The following RPH3A variants were observed in gnomAD, a reference collection of about 807,000 sequenced individuals.
RPH3A encodes the protein rabphilin-3A.
A neutral mutation model predicts 102.2 loss-of-function variants in RPH3A; 48 were observed. That is an observed-to-expected ratio of 0.47 (90% confidence interval 0.37 to 0.60). RPH3A has a LOEUF of 0.60. Ranked by LOEUF, RPH3A falls within the 20% of genes least tolerant of loss-of-function variation. RPH3A has a pLI of 0.00. For synonymous variants in RPH3A, 310 were observed against 324.3 expected (o/e 0.96, Z 0.47); for missense variants, 781 against 910.1 (o/e 0.86, Z 1.83).
intron 20 of RPH3A, chr12:112,895,268 A>AC (rs2043160993): frequency 6.5e-6 from 1 of 153,424 alleles, no homozygotes; most frequent in Non-Finnish European, 1.4e-5. Context: ...ATGCCTGGCT[A>AC]ATTTTTGTAT....
intron 1 of RPH3A, among the ~76,000 whole-genome samples, chr12:112,595,750 C>T (rs1400434112): frequency 2.6e-5 from 4 of 152,160 alleles, no homozygotes; most frequent in Non-Finnish European, 5.9e-5. Flanking sequence ...TTTCCATACT[C>T]TTAGTGCATA....
intron 1 of RPH3A, among the ~76,000 whole-genome samples, chr12:112,607,419 A>G (rs2039604808): frequency 6.6e-6 from 1 of 152,190 alleles, no homozygotes; most frequent in Non-Finnish European, 1.5e-5. Flanking sequence ...CAATATATTT[A>G]TGTACATAAT....
intron 5 of RPH3A, chr12:112,850,650 T>G (rs2042307913): frequency 6.6e-6 from 1 of 152,238 alleles, no homozygotes; most frequent in African/African-American, 2.4e-5. Flanking sequence ...ATGCTATTTG[T>G]GTCTTATAAA....
intron 1 of RPH3A, among the ~76,000 whole-genome samples, chr12:112,773,736 T>C (rs958622465): frequency 6.6e-6 from 1 of 152,018 alleles, no homozygotes; most frequent in Non-Finnish European, 1.5e-5. Flanking sequence ...GGAGCAGGAC[T>C]GAAGCTGCTG....
intron 2 of RPH3A, among the ~76,000 whole-genome samples, chr12:112,794,623 C>T (rs914749642): frequency 6.6e-6 from 1 of 152,174 alleles, no homozygotes; most frequent in Non-Finnish European, 1.5e-5. Flanking sequence ...GATGCATATA[C>T]ACACAAACAC....
intron 2 of RPH3A, among the ~76,000 whole-genome samples, chr12:112,809,407 G>A (rs2041529690): frequency 6.6e-6 from 1 of 152,236 alleles, no homozygotes; most frequent in African/African-American, 2.4e-5. Flanking sequence ...AGGCTCCTCT[G>A]TGTGGAGATG....
chr12:112,752,733 G>A (rs1301493783), intron 1 of RPH3A, among the ~76,000 whole-genome samples: 1 of 151,382 alleles, frequency 6.6e-6, no homozygotes, highest in Admixed American at 6.6e-5. Context: ...AAAATACACA[G>A]GTCACCAAGT....
intron 1 of RPH3A, among the ~76,000 whole-genome samples, chr12:112,723,676 T>A (rs2040566821): frequency 6.6e-6 from 1 of 152,206 alleles, no homozygotes; most frequent in Non-Finnish European, 1.5e-5. Context: ...CTTTTTACTA[T>A]GATACACAAT....
chr12:112,683,072 G>A (rs768874306), intron 1 of RPH3A, among the ~76,000 whole-genome samples: 2 of 152,178 alleles, frequency 1.3e-5, no homozygotes, highest in Non-Finnish European at 2.9e-5. Flanking sequence ...TAATCACCAC[G>A]AAGTGTATCT....
At chr12:112,852,128 C>T (rs2042333378) in intron 5 of RPH3A, among the ~76,000 whole-genome samples, 2 of 152,148 alleles carry the variant, frequency 1.3e-5, no homozygotes, top group Admixed American at 6.5e-5. Flanking sequence ...TGCAAGAAAG[C>T]TTTACTCCCC....
At chr12:112,682,714 A>C (rs1159211924) in intron 1 of RPH3A, among the ~76,000 whole-genome samples, 1 of 152,124 alleles carries the variant, frequency 6.6e-6, no homozygotes, top group African/African-American at 2.4e-5. Context: ...TGACACCATC[A>C]CTTCCACACA....
intron 1 of RPH3A, among the ~76,000 whole-genome samples, chr12:112,628,569 A>C (rs2039781781): frequency 1.3e-4 from 1 of 7,522 alleles, no homozygotes; most frequent in Non-Finnish European, 2.3e-4. Context: ...TCTTTACCAC[A>C]AAAAAAAAAA....
Position 112,591,236 on chromosome 12 carries a change from C to A in RPH3A, c.-140+15917C>A, listed in dbSNP as rs529151414. Among the ~76,000 whole-genome samples the A allele has an allele frequency of 3.3e-5, 5 of 151,790 alleles. No homozygotes were observed. In the South Asian group the frequency reaches 1.0e-3, roughly 32 times the overall value. On this transcript the variant is annotated intron_variant, in intron 1 of 21. Transcript: ENST00000543106. The stretch of plus-strand genomic sequence containing the variant: ...GAGTAGCTGGGACCACAGGTGTGTG[C>A]CACCACACCCAGATAATTAAAAAAA...
At chr12:112,845,493 G>A (rs971025810) in intron 4 of RPH3A, among the ~76,000 whole-genome samples, 1 of 152,208 alleles carries the variant, frequency 6.6e-6, no homozygotes, top group African/African-American at 2.4e-5. Context: ...GGCCTCGGGA[G>A]GTACCTGTGC....
At chr12:112,754,517 A>T (rs1353713869) in intron 1 of RPH3A, among the ~76,000 whole-genome samples, 1 of 152,192 alleles carries the variant, frequency 6.6e-6, no homozygotes, top group Non-Finnish European at 1.5e-5. Context: ...TAAGGGTAGA[A>T]ATTCGGTTCA....
rs1421040149 is a variant in RPH3A at position 112,889,126 on chromosome 12, G to T, written c.1564-898G>T. Among the ~76,000 whole-genome samples, 8 of 152,362 alleles carry T rather than the reference G, an allele frequency of 5.3e-5. No homozygotes were observed. The South Asian group carries it at 1.7e-3, about 32-fold the overall frequency. ...TTTTATAGTTCAGGCAAAGGAACAAGACCAAACAAGGAAAATTTCAAGGAA... is the reference window on the plus strand; with the variant it reads ...TTTTATAGTTCAGGCAAAGGAACAATACCAAACAAGGAAAATTTCAAGGAA... On this transcript the variant is annotated intron_variant, in intron 17 of 21. Transcript: ENST00000389385.
At chr12:112,826,146 T>C (rs2041868284) in intron 2 of RPH3A, among the ~76,000 whole-genome samples, 1 of 152,070 alleles carries the variant, frequency 6.6e-6, no homozygotes, top group Non-Finnish European at 1.5e-5. Context: ...GGAGGCCCTC[T>C]TGGACGAGGT....
intron 1 of RPH3A, among the ~76,000 whole-genome samples, chr12:112,625,130 C>T (rs1186467178): frequency 8.9e-6 from 1 of 111,782 alleles, no homozygotes; most frequent in Non-Finnish European, 1.7e-5. Flanking sequence ...GGAAGCATTC[C>T]CTTTGAAAAC....
intron 8 of RPH3A, 68 bp downstream of exon 8, chr12:112,868,663 T>C: frequency 6.6e-7 from 1 of 1,519,268 alleles, no homozygotes; most frequent in Non-Finnish European, 8.9e-7. Context: ...ACCTGAGGGA[T>C]GGCCTGACAT....
Sources: gnomAD v4.1 joint callset for allele counts (sites outside exome capture counted in the v4.1 genomes callset) on GRCh38, gnomAD v4.1.1 for gene constraint, MANE v1.5 for transcripts, NCBI Gene and HGNC (gene_info 2026-07-23, HGNC 2026-07-21) for gene names.